Variants in ROCK1 observed in about 807,000 individuals in gnomAD.
ROCK1 encodes rho-associated protein kinase 1.
Under a neutral mutation model 196.8 loss-of-function variants are expected in ROCK1, and 36 were observed. The ratio of observed to expected loss-of-function variants is 0.18; its 90% CI spans 0.14 to 0.24. ROCK1 has a LOEUF of 0.24. ROCK1 is among the 10% of genes least tolerant of loss of function. The probability of loss-of-function intolerance (pLI) is 1.00; values close to 1 mark genes in which losing one functional copy is unlikely to be tolerated. For synonymous variants in ROCK1, 443 were observed against 515.9 expected (o/e 0.86, Z 1.91); for missense variants, 920 against 1,562.0 (o/e 0.59, Z 6.93).
chr18:20,978,450 T>C (rs536893512), intron 22 of ROCK1, among the ~76,000 whole-genome samples: 5 of 152,214 alleles, frequency 3.3e-5, no homozygotes, highest in Non-Finnish European at 5.9e-5. Flanking sequence ...ATCTGTACCA[T>C]CTATTATAAT....
At chr18:21,075,889 G>A (rs771627972) in intron 1 of ROCK1, among the ~76,000 whole-genome samples, 35 of 150,230 alleles carry the variant, frequency 2.3e-4, no homozygotes, top group Non-Finnish European at 4.7e-4. Context: ...GGAGGCGGAG[G>A]TTGCAGTGAG....
chr18:21,008,234 C>T, intron 13 of ROCK1, 40 bp from the exon 14 acceptor site: 1 of 1,426,150 alleles, frequency 7.0e-7, no homozygotes, highest in Non-Finnish European at 9.5e-7. Context: ...GTGATTAATA[C>T]TCTGGTCATT....
chr18:21,072,270 T>A (rs2036391979), intron 1 of ROCK1, among the ~76,000 whole-genome samples: 1 of 152,206 alleles, frequency 6.6e-6, no homozygotes, highest in South Asian at 2.1e-4. Flanking sequence ...ACTTTAATTC[T>A]ACAATACCAT....
intron 1 of ROCK1, among the ~76,000 whole-genome samples, chr18:21,087,748 T>C (rs1289313127): frequency 6.6e-6 from 1 of 152,200 alleles, no homozygotes; most frequent in Non-Finnish European, 1.5e-5. Context: ...AATACTTCTC[T>C]CTTAAAAATT....
At chr18:21,103,436 G>T (rs2036676487) in intron 1 of ROCK1, among the ~76,000 whole-genome samples, 1 of 151,652 alleles carries the variant, frequency 6.6e-6, no homozygotes, top group Admixed American at 6.6e-5. Context: ...AAGTCTCATA[G>T]ATTTTGTTTA....
At chr18:21,067,717 A>G (rs1297281029) in intron 2 of ROCK1, among the ~76,000 whole-genome samples, 1 of 152,116 alleles carries the variant, frequency 6.6e-6, no homozygotes, top group African/African-American at 2.4e-5. Flanking sequence ...TGAAGCATAA[A>G]TAAAAGTTTT....
chr18:20,978,498 G>A (rs2035500949), intron 22 of ROCK1, among the ~76,000 whole-genome samples: 1 of 152,166 alleles, frequency 6.6e-6, no homozygotes, highest in Admixed American at 6.5e-5. Flanking sequence ...CTGAGCACCT[G>A]AAATACGACT....
chr18:21,100,275 C>T (rs2143599564), intron 1 of ROCK1, among the ~76,000 whole-genome samples: 1 of 150,766 alleles, frequency 6.6e-6, no homozygotes, highest in South Asian at 2.1e-4. Flanking sequence ...GGACAAGAAA[C>T]AATTTCATCC....
intron 17 of ROCK1, 79 bp from the exon 18 acceptor site, chr18:20,991,405 G>A: frequency 6.4e-6 from 6 of 936,520 alleles, no homozygotes; most frequent in South Asian, 2.1e-5. Flanking sequence ...TTAATATTCT[G>A]GAAGAGATAT....
intron 2 of ROCK1, among the ~76,000 whole-genome samples, chr18:21,053,357 A>G (rs1363003590): frequency 6.6e-6 from 1 of 151,930 alleles, no homozygotes; most frequent in Non-Finnish European, 1.5e-5. Flanking sequence ...TCTGTTTTAA[A>G]TTTTCTATTT....
At chr18:21,068,945 C>T (rs1374377766) in intron 2 of ROCK1, among the ~76,000 whole-genome samples, 3 of 152,016 alleles carry the variant, frequency 2.0e-5, no homozygotes, top group South Asian at 2.1e-4. Context: ...TCAATCTGTA[C>T]GGCTTTTCTT....
At position 20,967,752 on chromosome 18, in the gene ROCK1, C is replaced by A. The variant is rs1411948543; in HGVS notation, c.3192G>T (p.Ala1064=). 6 of 1,586,070 alleles carry A rather than the reference C, an allele frequency of 3.8e-6. No homozygotes were observed. The highest frequency in any genetic ancestry group is 5.1e-6 in the Non-Finnish European group (6 of 1,170,018). The change falls in exon 26 of 33, where the codon GCG becomes GCT. Residue 1064 remains alanine, a splice_region_variant and synonymous_variant. Coordinates refer to ENST00000399799, the MANE Select transcript of ROCK1 (RefSeq NM_005406.3). ...KHQKELNDMQ[A]QLVEECAHRN... is the part of the protein sequence containing the mutation. Reference sequence around the variant, plus strand: ...ATCCATACACACACAGAAACCTTACCGCTTGCATGTCATTCAGTTCCTTCT... The same window carrying A: ...ATCCATACACACACAGAAACCTTACAGCTTGCATGTCATTCAGTTCCTTCT...
At position 21,053,557 on chromosome 18, in the gene ROCK1, T is replaced by C. The variant is rs557777077; in HGVS notation, c.176-3677A>G. Among the ~76,000 whole-genome samples the C allele has an allele frequency of 7.2e-5, 11 of 152,296 alleles. 1 individual carries two copies. The South Asian group carries it at 1.9e-3, about 26-fold the overall frequency. ...GCTTCAAAAAGGACAACATTTGGGC[T>C]GGGCATGATGGCTCACACCTGTAAT... On this transcript the variant is annotated intron_variant, in intron 2 of 32. Coordinates refer to ENST00000399799, the MANE Select transcript of ROCK1 (RefSeq NM_005406.3).
At chr18:21,089,011 T>A (rs946439150) in intron 1 of ROCK1, among the ~76,000 whole-genome samples, 4 of 152,156 alleles carry the variant, frequency 2.6e-5, no homozygotes, top group East Asian at 1.9e-4. Context: ...TTAAAAAAAA[T>A]TCCCATTATA....
intron 11 of ROCK1, among the ~76,000 whole-genome samples, chr18:21,021,681 G>C (rs2035914067): frequency 6.6e-6 from 1 of 152,132 alleles, no homozygotes; most frequent in Non-Finnish European, 1.5e-5. Context: ...GAAATAATTA[G>C]TATATCCCCC....
intron 1 of ROCK1, among the ~76,000 whole-genome samples, chr18:21,090,234 C>T (rs1328131695): frequency 6.6e-6 from 1 of 152,126 alleles, no homozygotes; most frequent in Non-Finnish European, 1.5e-5. Context: ...GAGGCCAAGG[C>T]GGGAGGATCC....
intron 19 of ROCK1, among the ~76,000 whole-genome samples, chr18:20,985,058 G>A (rs1367754096): frequency 6.0e-5 from 9 of 151,016 alleles, no homozygotes; most frequent in African/African-American, 2.2e-4. Flanking sequence ...CCGAGATCAC[G>A]CCACTGCACT....
At position 20,967,872 on chromosome 18, in the gene ROCK1, T is replaced by C; in HGVS notation, c.3072A>G (p.Thr1024=). ...DFKIDRKKAN[T]QDLRKKEKEN... ...CCTTTTCTTTCTTTCTCAAATCTTG[T>C]GTATTAGCTTTCTTTCTATCAATTT... The change falls in exon 26 of 33, where the codon ACA becomes ACG. Residue 1024 remains threonine (T), a synonymous_variant. Coordinates refer to ENST00000399799, the MANE Select transcript of ROCK1 (RefSeq NM_005406.3). The C allele has an allele frequency of 6.2e-7, 1 of 1,602,240 alleles. No homozygotes were observed. Among genetic ancestry groups the C allele is most frequent in the Non-Finnish European group, 8.5e-7 (1 of 1,172,882 alleles).
At chr18:20,965,383 T>TCATA (rs766977630) in intron 27 of ROCK1, among the ~76,000 whole-genome samples, 15 of 149,078 alleles carry the variant, frequency 1.0e-4, no homozygotes, top group East Asian at 2.0e-4. Flanking sequence ...TGAGACTGTT[T>TCATA]CATACATACA....
Sources: allele counts gnomAD v4.1 joint callset (sites outside exome capture counted in the v4.1 genomes callset), GRCh38; gene constraint gnomAD v4.1.1; transcripts MANE v1.5; gene names NCBI Gene and HGNC (gene_info 2026-07-23, HGNC 2026-07-21).